Variants in ZDHHC17 observed in about 807,000 individuals in gnomAD.
ZDHHC17 encodes palmitoyltransferase ZDHHC17.
In ZDHHC17, 40 loss-of-function variants were observed where a neutral mutation model predicts 90.3. The ratio of observed to expected loss-of-function variants is 0.44; its 90% confidence interval spans 0.34 to 0.58. The LOEUF is 0.58. ZDHHC17 is among the 20% of genes least tolerant of loss of function. The pLI, the probability that ZDHHC17 is intolerant of heterozygous loss-of-function variation, is 0.01. For missense variants in ZDHHC17, 614 were observed against 780.8 expected, an observed-to-expected ratio of 0.79 and a Z score of 2.55; for synonymous variants, 235 against 252.4, an observed-to-expected ratio of 0.93 and a Z score of 0.65.
At chr12:76,780,136 T>C (rs1565762265) in intron 1 of ZDHHC17, among the ~76,000 whole-genome samples, 2 of 152,352 alleles carry the variant, frequency 1.3e-5, no homozygotes, top group African/African-American at 4.8e-5. Flanking sequence ...TTGTTTTCTT[T>C]TACTTCCTAT....
intron 10 of ZDHHC17, among the ~76,000 whole-genome samples, chr12:76,838,741 G>A (rs563303886): frequency 1.3e-5 from 2 of 152,280 alleles, no homozygotes; most frequent in South Asian, 4.1e-4. Flanking sequence ...CTTAGTGGAA[G>A]CCATGCAGTG....
At position 76,809,866 on chromosome 12, in the gene ZDHHC17, A is replaced by C. The variant is rs778858532; in HGVS notation, c.543+9A>C. On this transcript the variant is annotated intron_variant, in intron 5 of 16. Coordinates refer to ENST00000426126, the MANE Select transcript of ZDHHC17 (RefSeq NM_015336.4). ...TCATAGCAAAAGGACAGGTAAAAAA[A>C]ATCTCAGTGGTATGGATTTTAATCA... The C allele has an allele frequency of 1.9e-5, 30 of 1,607,490 alleles. No homozygotes were observed. Among genetic ancestry groups the C allele is most frequent in the African/African-American group, 1.3e-5 (1 of 74,796 alleles).
intron 9 of ZDHHC17, 127 bp downstream of exon 9, chr12:76,827,177 G>A (rs4761450): frequency 0.59 from 620,869 of 1,046,618 alleles, 185,843 homozygotes; most frequent in East Asian, 0.72. Context: ...TTAGACATCT[G>A]TATGTGAAAT....
chr12:76,765,632 T>A (rs756280255), intron 1 of ZDHHC17, among the ~76,000 whole-genome samples: 1 of 152,244 alleles, frequency 6.6e-6, no homozygotes, highest in African/African-American at 2.4e-5. Flanking sequence ...TTGAAAATGT[T>A]GCTAAGTGAT....
chr12:76,809,579 T>C, intron 4 of ZDHHC17, 134 bp from the exon 5 acceptor site: 1 of 649,516 alleles, frequency 1.5e-6, no homozygotes, highest in Non-Finnish European at 2.3e-6. Context: ...TATTTTGACA[T>C]GTATCTATTT....
chr12:76,805,424 G>T lies in ZDHHC17; in HGVS notation c.305G>T (p.Arg102Ile). 6.3e-7 allele frequency: 1 copy of T among 1,585,432 alleles called. No individual in the cohort carries two copies. The change falls in exon 3 of 17, where the codon AGA (arginine) becomes ATA (isoleucine). Residue 102 changes from arginine to isoleucine, a missense_variant. Arg to Ile is a moderately conservative substitution (Grantham distance 97). Transcript: ENST00000426126. ...CTCCATTGGGCTGCCATCAATAACA[G>T]AATAGATTTAGTCAAGTATGTATTT... is the stretch of plus-strand genomic sequence containing the variant. ...TLLHWAAINN[R>I]IDLVKYYISK...
intron 1 of ZDHHC17, chr12:76,764,609 G>T (rs1173466536): frequency 1.8e-6 from 1 of 543,426 alleles, no homozygotes; most frequent in Non-Finnish European, 3.4e-6. Flanking sequence ...GCCGCGCTGC[G>T]TTTGAGAGCA....
At chr12:76,788,688 A>T (rs1952721286) in intron 1 of ZDHHC17, among the ~76,000 whole-genome samples, 1 of 98,644 alleles carries the variant, frequency 1.0e-5, no homozygotes, top group African/African-American at 4.0e-5. Flanking sequence ...TGGAATCGCA[A>T]TTTTTTTTTT....
At chr12:76,843,990 C>T (rs1015013341) in intron 12 of ZDHHC17, 7 of 151,998 alleles carry the variant, frequency 4.6e-5, no homozygotes, top group Admixed American at 2.6e-4. Context: ...TTATATATTC[C>T]GGCATTCTGA....
chr12:76,839,982 C>CT (rs1471638191), intron 10 of ZDHHC17: 2 of 152,148 alleles, frequency 1.3e-5, no homozygotes, highest in Non-Finnish European at 2.9e-5. Flanking sequence ...TCATATGAGT[C>CT]TGAGTTTTAA....
chr12:76,790,338 C>T (rs929679631), intron 1 of ZDHHC17, among the ~76,000 whole-genome samples: 5 of 152,016 alleles, frequency 3.3e-5, no homozygotes, highest in African/African-American at 1.2e-4. Flanking sequence ...CCCGTCTCTA[C>T]TAAAAATACA....
chr12:76,812,244 C>T (rs1953033225), intron 5 of ZDHHC17, among the ~76,000 whole-genome samples: 1 of 152,210 alleles, frequency 6.6e-6, no homozygotes, highest in Middle Eastern at 3.4e-3. Context: ...AGCACTGTGC[C>T]GTTTAACCCC....
chr12:76,795,821 T>TA (rs763010702), intron 1 of ZDHHC17, among the ~76,000 whole-genome samples: 4 of 152,168 alleles, frequency 2.6e-5, no homozygotes, highest in African/African-American at 9.7e-5. Context: ...AACAACCTCT[T>TA]AAAAAATCAT....
rs532500459 is a variant in ZDHHC17 at position 76,853,329 on chromosome 12, T to C, written c.*2344T>C. On this transcript the variant is annotated 3_prime_UTR_variant, in exon 17 of 17. Transcript: ENST00000426126. ...CCAACTATAAACCCAGTTCTAAAGT[T>C]GTGTATGATGGTGAACCTTTGGGAA... 3 of 152,762 alleles carry C rather than the reference T, an allele frequency of 2.0e-5. No homozygotes were observed. In the South Asian group the frequency reaches 6.2e-4, roughly 32 times the overall value. The allele number at this position is 152,762 out of a possible 1,614,324, so 9.5% of individuals were successfully genotyped here.
rs566948364 is a variant in ZDHHC17, at chr12:76,849,755, TTTGA to T, written c.1760+286_1760+289del. ...CCTAAGTATATGAAATATTTAAAAC[TTTGA>T]GTTTTACTGAAGTTATTACCAACTC... is the stretch of plus-strand genomic sequence containing the variant. On this transcript the variant is annotated intron_variant, in intron 16 of 16. Transcript: ENST00000426126. 3.6e-4 allele frequency: 68 copies of T among 187,792 alleles called. 1 individual carries two copies. In the East Asian group the frequency reaches 7.4e-3, roughly 20 times the overall value. 11.6% of individuals were successfully genotyped at this position (187,792 alleles called of 1,614,324 possible). A position where few individuals can be genotyped will look rare whatever the true frequency, so the allele number is the denominator to read the frequency against.
chr12:76,815,366 A>G (rs1202068273), intron 6 of ZDHHC17, among the ~76,000 whole-genome samples, 156 bp downstream of exon 6: 1 of 151,934 alleles, frequency 6.6e-6, no homozygotes, highest in East Asian at 1.9e-4. Flanking sequence ...ATGTTCTGGT[A>G]TCTCTGTGCT....
At chr12:76,831,337 G>A (rs1468337996) in intron 10 of ZDHHC17, among the ~76,000 whole-genome samples, 1 of 151,696 alleles carries the variant, frequency 6.6e-6, no homozygotes, top group Non-Finnish European at 1.5e-5. Flanking sequence ...TTTTTGTGTT[G>A]GGTTTTGTTT....
intron 2 of ZDHHC17, among the ~76,000 whole-genome samples, chr12:76,801,442 A>G (rs1952888643): frequency 6.6e-6 from 1 of 151,746 alleles, no homozygotes; most frequent in South Asian, 2.1e-4. Context: ...TCACAAGGTC[A>G]GGAGATCGAG....
At chr12:76,774,230 A>G (rs1218525885) in intron 1 of ZDHHC17, among the ~76,000 whole-genome samples, 1 of 148,686 alleles carries the variant, frequency 6.7e-6, no homozygotes, top group African/African-American at 2.5e-5. Context: ...GGCCTGGATG[A>G]CAGAGTGAGA....
Sources: allele counts gnomAD v4.1 joint callset (sites outside exome capture counted in the v4.1 genomes callset), GRCh38; gene constraint gnomAD v4.1.1; transcripts MANE v1.5; gene names NCBI Gene and HGNC (gene_info 2026-07-23, HGNC 2026-07-21).